TXNL1: variants seen among roughly 807,000 people sequenced by gnomAD.
TXNL1 encodes thioredoxin like 1.
In TXNL1, 14 loss-of-function variants were observed where a neutral mutation model predicts 35.5. The ratio of observed to expected loss-of-function variants is 0.39; its 90% CI spans 0.26 to 0.62. TXNL1 has a LOEUF of 0.62. TXNL1 is among the 20% of genes least tolerant of loss of function. The pLI is 0.47. For missense variants in TXNL1, 263 were observed against 349.7 expected, an observed-to-expected ratio of 0.75 and a Z score of 1.98; for synonymous variants, 110 against 115.5, an observed-to-expected ratio of 0.95 and a Z score of 0.31.
At position 56,612,015 on chromosome 18, in the gene TXNL1, A is replaced by ATT. The variant is rs1217872694; in HGVS notation, c.736-919_736-918insAA. On this transcript the variant is annotated intron_variant, in intron 6 of 7. Transcript: ENST00000217515. ...AGGCACATGCTGCCACGCCCGGCTA[A>ATT]TCTTTTTTTTTTTTTTTTTTTTTTT... 6.7e-4 allele frequency among the ~76,000 whole-genome samples: 71 copies of ATT among 105,458 alleles called. 4 individuals are homozygous for ATT. The highest frequency in any genetic ancestry group is 2.5e-3 in the African/African-American group (54 of 21,796). 69.2% of individuals were successfully genotyped at this position (105,458 alleles called of 152,430 possible). A position where few individuals can be genotyped will look rare whatever the true frequency, so the allele number is the denominator to read the frequency against.
intron 4 of TXNL1, among the ~76,000 whole-genome samples, chr18:56,617,580 C>A (rs2024110793): frequency 1.3e-5 from 2 of 152,162 alleles, no homozygotes; most frequent in African/African-American, 4.8e-5. Context: ...AAGGGCAAGG[C>A]AGGGAAGCAT....
intron 1 of TXNL1, among the ~76,000 whole-genome samples, chr18:56,635,228 A>G (rs548430753): frequency 6.6e-6 from 1 of 152,328 alleles, no homozygotes; most frequent in Admixed American, 6.5e-5. Context: ...ACTGCACTCC[A>G]GCCTGGGCAA....
chr18:56,620,510 G>A (rs1265200897), intron 3 of TXNL1, among the ~76,000 whole-genome samples: 1 of 152,292 alleles, frequency 6.6e-6, no homozygotes, highest in East Asian at 1.9e-4. Flanking sequence ...TAAAGTCATA[G>A]AAGCCTTTAG....
intron 1 of TXNL1, among the ~76,000 whole-genome samples, chr18:56,634,995 C>G (rs543330608): frequency 4.6e-5 from 7 of 152,354 alleles, no homozygotes; most frequent in African/African-American, 1.7e-4. Context: ...AGCGCAGTGA[C>G]TCACACCTGT....
chr18:56,635,177 G>T (rs2024437183), intron 1 of TXNL1, among the ~76,000 whole-genome samples: 1 of 152,150 alleles, frequency 6.6e-6, no homozygotes, highest in Non-Finnish European at 1.5e-5. Flanking sequence ...AGGATTGCTT[G>T]AGGCCAGGAA....
chr18:56,632,834 A>T (rs888416772), intron 1 of TXNL1, among the ~76,000 whole-genome samples: 9 of 152,338 alleles, frequency 5.9e-5, no homozygotes, highest in African/African-American at 2.2e-4. Flanking sequence ...TCTGTTCTCC[A>T]GGGCTTCAAT....
rs1284590698 is a variant in TXNL1, at chr18:56,598,540, G to A, written c.*4487C>T. The A allele has an allele frequency of 1.3e-5, 2 of 152,450 alleles. No individual in the cohort carries two copies. Among genetic ancestry groups the A allele is most frequent in the Non-Finnish European group, 2.9e-5 (2 of 68,326 alleles). 9.4% of individuals were successfully genotyped at this position (152,450 alleles called of 1,614,324 possible). A position where few individuals can be genotyped will look rare whatever the true frequency, so the allele number is the denominator to read the frequency against. ...AGCACAGCACACTGGAGAAATGAGG[G>A]GCATGGGGAGGCTAGAGGAGGAGAG... On this transcript the variant is annotated 3_prime_UTR_variant, in exon 8 of 8. Coordinates refer to ENST00000217515, the MANE Select transcript of TXNL1 (RefSeq NM_004786.3).
intron 3 of TXNL1, among the ~76,000 whole-genome samples, chr18:56,621,485 C>A (rs961447001): frequency 6.6e-6 from 1 of 152,112 alleles, no homozygotes; most frequent in Non-Finnish European, 1.5e-5. Context: ...TGAGCCACCA[C>A]ACGCCCAGCC....
intron 1 of TXNL1, among the ~76,000 whole-genome samples, chr18:56,637,213 T>A (rs2024469308): frequency 6.6e-6 from 1 of 152,172 alleles, no homozygotes; most frequent in Non-Finnish European, 1.5e-5. Context: ...ATGCCACCAT[T>A]TATATACTCA....
Position 56,614,557 on chromosome 18 carries a change from G to C in TXNL1, c.602C>G (p.Pro201Arg). The change falls in exon 6 of 8, where the codon CCC (proline) becomes CGC (arginine). Residue 201 changes from proline (P) to arginine (R), a missense_variant. Physicochemically the swap from Pro to Arg is moderately radical, Grantham distance 103. Coordinates refer to ENST00000217515, the MANE Select transcript of TXNL1 (RefSeq NM_004786.3). ...PKYVKIFINL[P>R]RSMDFEEAER... ...TGCCTCTTCAAAATCCATAGATCGG[G>C]GTAGGTTGATAAAAATTTTTACATA... 1.9e-6 allele frequency: 3 copies of C among 1,613,528 alleles called. No individual in the cohort carries two copies. Among genetic ancestry groups the C allele is most frequent in the Non-Finnish European group, 2.5e-6 (3 of 1,179,916 alleles).
chr18:56,638,397 GGCTGGAAATCCGGGTC>G lies in TXNL1; in HGVS notation c.28_43del (p.Asp10GlnfsTer3). The G allele has an allele frequency of 6.2e-7, 1 of 1,613,684 alleles. No homozygotes were observed. The highest frequency in any genetic ancestry group is 1.3e-5 in the African/African-American group (1 of 75,048). On this transcript the variant is annotated frameshift_variant, in exon 1 of 8. Coordinates refer to ENST00000217515, the MANE Select transcript of TXNL1 (RefSeq NM_004786.3). LOFTEE classifies it high-confidence loss of function. ...TCTGGAGCCCGCGCCGCTCAGCTCTGGCTGGAAATCCGGGTCGCTCCCGACGGGCTTCACCCCCACC... is the reference window on the plus strand; with the variant it reads ...TCTGGAGCCCGCGCCGCTCAGCTCTGGCTCCCGACGGGCTTCACCCCCACC...
chr18:56,606,360 G>C (rs1165027897), intron 7 of TXNL1, among the ~76,000 whole-genome samples: 3 of 152,062 alleles, frequency 2.0e-5, no homozygotes, highest in East Asian at 3.9e-4. Context: ...CTGGACAACA[G>C]AGCAAGACTC....
At chr18:56,607,141 A>G (rs1480573884) in intron 7 of TXNL1, among the ~76,000 whole-genome samples, 1 of 148,106 alleles carries the variant, frequency 6.8e-6, no homozygotes, top group Non-Finnish European at 1.5e-5. Flanking sequence ...AGGTGTGCCC[A>G]CCACCTTGCC....
chr18:56,637,069 G>A (rs1326447271), intron 1 of TXNL1, among the ~76,000 whole-genome samples: 1 of 151,982 alleles, frequency 6.6e-6, no homozygotes, highest in Non-Finnish European at 1.5e-5. Flanking sequence ...ATATCATATG[G>A]GTACTCTAGC....
Position 56,601,209 on chromosome 18 carries a change from C to T in TXNL1, c.*1818G>A, listed in dbSNP as rs762192022. 1.1e-4 allele frequency: 17 copies of T among 151,938 alleles called. No individual in the cohort carries two copies. Among genetic ancestry groups the T allele is most frequent in the Non-Finnish European group, 2.4e-4 (16 of 67,990 alleles). The allele number at this position is 151,938 out of a possible 1,614,324, so 9.4% of individuals were successfully genotyped here. ...TGCACATTTATAATAGTAAGATTTC[C>T]CATTAAGTGAAACGTTATAGTTACC... On this transcript the variant is annotated 3_prime_UTR_variant, in exon 8 of 8. Coordinates refer to ENST00000217515, the MANE Select transcript of TXNL1 (RefSeq NM_004786.3).
In TXNL1 at chr18:56,602,046, T is replaced by G. The variant is rs557983226; in HGVS notation, c.*981A>C. ...TTTTTTGGAGACGGAGTTTTGCTCT[T>G]GTCGCTCAGGCTGGGGCGCAATGGC... On this transcript the variant is annotated 3_prime_UTR_variant, in exon 8 of 8. Transcript: ENST00000217515. The G allele has an allele frequency of 6.6e-6, 1 of 152,266 alleles. No homozygotes were observed. Among genetic ancestry groups the G allele is most frequent in the South Asian group, 2.1e-4 (1 of 4,830 alleles). The allele number at this position is 152,266 out of a possible 1,614,324, so 9.4% of individuals were successfully genotyped here. A position where few individuals can be genotyped will look rare whatever the true frequency, so the allele number is the denominator to read the frequency against.
At chr18:56,617,917 A>G in intron 4 of TXNL1, 87 bp downstream of exon 4, 2 of 1,484,652 alleles carry the variant, frequency 1.3e-6, no homozygotes, top group Non-Finnish European at 1.9e-6. Context: ...TGGGAAGGAG[A>G]GACGTAAGCC....
chr18:56,623,521 G>A (rs969460623), intron 3 of TXNL1, among the ~76,000 whole-genome samples: 1 of 151,760 alleles, frequency 6.6e-6, no homozygotes, highest in African/African-American at 2.4e-5. Flanking sequence ...TGTAACCAGA[G>A]AAATTAAAAA....
At chr18:56,617,651 T>C (rs1420871087) in intron 4 of TXNL1, among the ~76,000 whole-genome samples, 1 of 152,184 alleles carries the variant, frequency 6.6e-6, no homozygotes, top group Non-Finnish European at 1.5e-5. Context: ...GGAGTGCTCA[T>C]TTCATTAGTC....
Sources: gnomAD v4.1 joint callset for allele counts (sites outside exome capture counted in the v4.1 genomes callset) on GRCh38, gnomAD v4.1.1 for gene constraint, MANE v1.5 for transcripts, NCBI Gene and HGNC (gene_info 2026-07-23, HGNC 2026-07-21) for gene names.